The following RIT2 variants were observed in gnomAD, a reference collection of about 807,000 sequenced individuals.
The protein encoded by RIT2 is Ras like without CAAX 2, also known as GTP-binding protein Rit2.
Under a neutral mutation model 23.7 loss-of-function variants are expected in RIT2, and 24 were observed. The observed-to-expected ratio is 1.01, with a 90% CI of 0.73 to 1.43. The LOEUF is 1.43. Ranked by LOEUF, RIT2 falls within the 40% of genes most tolerant of loss-of-function variation. The pLI, the probability that RIT2 is intolerant of heterozygous loss-of-function variation, is 0.00. For missense variants in RIT2, 236 were observed against 266.9 expected, an observed-to-expected ratio of 0.88 and a Z score of 0.81; for synonymous variants, 107 against 91.1, an observed-to-expected ratio of 1.17 and a Z score of -0.99.
chr18:43,107,201 C>G (rs1474030858), intron 1 of RIT2, among the ~76,000 whole-genome samples: 1 of 152,194 alleles, frequency 6.6e-6, no homozygotes, highest in Non-Finnish European at 1.5e-5. Context: ...AGTCAGGAGA[C>G]TCTAGTCCCA....
At chr18:42,833,136 C>T (rs1304545755) in intron 4 of RIT2, among the ~76,000 whole-genome samples, 1 of 149,098 alleles carries the variant, frequency 6.7e-6, no homozygotes, top group Non-Finnish European at 1.5e-5. Context: ...TTATTCATCT[C>T]TCCTCCCCCA....
intron 1 of RIT2, among the ~76,000 whole-genome samples, chr18:43,114,978 C>T (rs1249645980): frequency 6.6e-6 from 1 of 152,164 alleles, no homozygotes; most frequent in African/African-American, 2.4e-5. Flanking sequence ...AAGAAACAAA[C>T]ACAACAATCA....
At chr18:42,779,533 C>T (rs79372952) in intron 4 of RIT2, among the ~76,000 whole-genome samples, 9,885 of 152,216 alleles carry the variant, frequency 0.065, 339 homozygotes, top group Middle Eastern at 0.099. Context: ...TTGACCCTTA[C>T]TGCAATAGTC....
intron 2 of RIT2, among the ~76,000 whole-genome samples, chr18:43,018,941 A>G (rs1023053643): frequency 2.6e-5 from 4 of 152,000 alleles, no homozygotes; most frequent in African/African-American, 9.7e-5. Context: ...ATCAAGCTAC[A>G]ATAATAAATG....
In RIT2 at chr18:43,036,570, A is replaced by AAAAAC. The variant is rs1010693661; in HGVS notation, c.104-2708_104-2704dup. 6.2e-5 allele frequency among the ~76,000 whole-genome samples: 9 copies of AAAAAC among 145,612 alleles called. No homozygotes were observed. In the South Asian group the frequency reaches 1.1e-3, roughly 18 times the overall value. On this transcript the variant is annotated intron_variant, in intron 1 of 4. Transcript: ENST00000326695. Reference sequence around the variant, plus strand: ...ACCTCCCCCCGCCAGCCTGCCCCGCAAAAACAAAACAAAACAAAACAAAAA... The same window carrying AAAAAC: ...ACCTCCCCCCGCCAGCCTGCCCCGCAAAAACAAAACAAAACAAAACAAAACAAAAA...
At chr18:42,763,188 T>C (rs549235208) in intron 4 of RIT2, among the ~76,000 whole-genome samples, 8 of 152,216 alleles carry the variant, frequency 5.3e-5, no homozygotes, top group African/African-American at 1.9e-4. Flanking sequence ...ACCGGCTGGG[T>C]GCTGTGGCTC....
intron 4 of RIT2, among the ~76,000 whole-genome samples, chr18:42,823,290 T>C (rs899130501): frequency 6.6e-6 from 1 of 152,192 alleles, no homozygotes; most frequent in Admixed American, 6.5e-5. Context: ...TTTCACACAT[T>C]TGTTTCAAAA....
intron 4 of RIT2, among the ~76,000 whole-genome samples, chr18:42,843,418 C>T (rs1190636709): frequency 6.6e-6 from 1 of 152,148 alleles, no homozygotes; most frequent in Non-Finnish European, 1.5e-5. Context: ...ATCTCAGGAT[C>T]ATAATTTAGA....
chr18:42,912,745 T>C (rs1484935020), intron 4 of RIT2, among the ~76,000 whole-genome samples: 1 of 151,904 alleles, frequency 6.6e-6, no homozygotes, highest in Non-Finnish European at 1.5e-5. Context: ...ATAATTAAAA[T>C]TATAAAATGT....
intron 4 of RIT2, among the ~76,000 whole-genome samples, chr18:42,745,222 C>T (rs1017350218): frequency 2.0e-5 from 3 of 152,028 alleles, no homozygotes; most frequent in Non-Finnish European, 4.4e-5. Flanking sequence ...CCTGAGTTAC[C>T]AGGACTCTGA....
rs148004366 is a variant in RIT2, at chr18:43,096,300, T to G, written c.103+19117A>C. On this transcript the variant is annotated intron_variant, in intron 1 of 4. Transcript: ENST00000326695. ...TGAATTTCTCTGGTCCAAATGGTAG[T>G]AATTCATAGAATGTAGCTGGAAACT... Among the ~76,000 whole-genome samples the G allele has an allele frequency of 2.4e-3, 372 of 152,032 alleles. 2 individuals are homozygous for G. Among genetic ancestry groups the G allele is most frequent in the African/African-American group, 8.6e-3 (358 of 41,540 alleles).
intron 1 of RIT2, among the ~76,000 whole-genome samples, chr18:43,061,924 C>G (rs868166706): frequency 1.3e-5 from 2 of 152,092 alleles, no homozygotes; most frequent in African/African-American, 4.8e-5. Flanking sequence ...CACTGAGCTG[C>G]GGGCAGTGGG....
rs993308463 is a variant in RIT2 at position 42,896,785 on chromosome 18, T to C, written c.426+26787A>G. Among the ~76,000 whole-genome samples, 7 of 152,214 alleles carry C rather than the reference T, an allele frequency of 4.6e-5. No homozygotes were observed. The East Asian group carries it at 1.2e-3, about 25-fold the overall frequency. On this transcript the variant is annotated intron_variant, in intron 4 of 4. Transcript: ENST00000326695. ...TTGCTGATCATGGTGAACTCCAGTA[T>C]GTTTAATTATTATTTACTGTGTGAA... is the stretch of plus-strand genomic sequence containing the variant.
At chr18:42,928,297 G>C (rs1909234592) in intron 3 of RIT2, among the ~76,000 whole-genome samples, 1 of 152,048 alleles carries the variant, frequency 6.6e-6, no homozygotes, top group African/African-American at 2.4e-5. Context: ...AGATCTAAAT[G>C]AACTGTGGGG....
At chr18:42,768,478 A>G (rs995870563) in intron 4 of RIT2, among the ~76,000 whole-genome samples, 2 of 152,192 alleles carry the variant, frequency 1.3e-5, no homozygotes, top group Non-Finnish European at 2.9e-5. Context: ...GGTTAGCCTA[A>G]TTAGTTACCA....
At chr18:43,007,591 C>T (rs1413283960) in intron 2 of RIT2, among the ~76,000 whole-genome samples, 1 of 151,566 alleles carries the variant, frequency 6.6e-6, no homozygotes, top group Non-Finnish European at 1.5e-5. Flanking sequence ...CTATCAAAGT[C>T]TACTAGAGTT....
Position 43,089,346 on chromosome 18 carries a change from A to G in RIT2, c.103+26071T>C, listed in dbSNP as rs113294766. 2.0e-5 allele frequency among the ~76,000 whole-genome samples: 3 copies of G among 152,044 alleles called. No homozygotes were observed. The South Asian group carries it at 6.2e-4, about 31-fold the overall frequency. Reference sequence around the variant, plus strand: ...CACAATTGCCATAAAAAAGAATAAAATACCTAGGAATACAGCTAACCAGAA... The same window carrying G: ...CACAATTGCCATAAAAAAGAATAAAGTACCTAGGAATACAGCTAACCAGAA... On this transcript the variant is annotated intron_variant, in intron 1 of 4. Transcript: ENST00000326695.
chr18:43,098,793 T>G (rs1913614248), intron 1 of RIT2, among the ~76,000 whole-genome samples: 1 of 152,032 alleles, frequency 6.6e-6, no homozygotes, highest in African/African-American at 2.4e-5. Context: ...CTGAGTGATA[T>G]GCCCATGATC....
Position 42,963,674 on chromosome 18 carries a change from C to T in RIT2, c.234+10400G>A, listed in dbSNP as rs546605800. Among the ~76,000 whole-genome samples the T allele has an allele frequency of 2.6e-5, 4 of 152,232 alleles. No individual in the cohort carries two copies. The East Asian group carries it at 7.7e-4, about 29-fold the overall frequency. ...TTGCAAGGCCAAGGAGGGCTGATCG[C>T]TTGAGGTTAGGAGTTTGAAATCAGC... On this transcript the variant is annotated intron_variant, in intron 3 of 4. Transcript: ENST00000326695.
Sources: gnomAD v4.1 joint callset for allele counts (sites outside exome capture counted in the v4.1 genomes callset) on GRCh38, gnomAD v4.1.1 for gene constraint, MANE v1.5 for transcripts, NCBI Gene and HGNC (gene_info 2026-07-23, HGNC 2026-07-21) for gene names.